ZNF277: variants seen among roughly 807,000 people sequenced by gnomAD.
ZNF277 encodes nuclear receptor-interacting factor 4.
In ZNF277, 55 loss-of-function variants were observed where a neutral mutation model predicts 60.7. The ratio of observed to expected loss-of-function variants is 0.91; its 90% confidence interval spans 0.73 to 1.13. The LOEUF is 1.13. ZNF277 is among the 50% of genes most tolerant of loss of function. The pLI is 0.00. For synonymous variants in ZNF277, 178 were observed against 179.3 expected, an observed-to-expected ratio of 0.99 and a Z score of 0.06; for missense variants, 510 against 523.0, an observed-to-expected ratio of 0.98 and a Z score of 0.24.
At chr7:112,234,535 G>A (rs1038710244) in intron 1 of ZNF277, among the ~76,000 whole-genome samples, 4 of 152,074 alleles carry the variant, frequency 2.6e-5, no homozygotes, top group African/African-American at 9.7e-5. Context: ...GCACATTGGT[G>A]ATTATGTTTC....
intron 1 of ZNF277, among the ~76,000 whole-genome samples, chr7:112,222,457 C>A (rs776781357): frequency 6.6e-6 from 1 of 152,248 alleles, no homozygotes; most frequent in East Asian, 1.9e-4. Context: ...TCTAGGTTAT[C>A]CAATTTATTG....
chr7:112,209,115 T>G (rs755435854), intron 1 of ZNF277, among the ~76,000 whole-genome samples: 3 of 152,194 alleles, frequency 2.0e-5, no homozygotes, highest in Non-Finnish European at 4.4e-5. Flanking sequence ...TTAAGGACTG[T>G]GCCCATCATA....
Position 112,267,001 on chromosome 7 carries a change from G to C in ZNF277, c.92-19872G>C, listed in dbSNP as rs1228819076. On this transcript the variant is annotated intron_variant, in intron 1 of 11. Transcript: ENST00000361822. ...GTTCTTTATTCCTTTTTGAGTAAGA[G>C]TTTGTTCATTCCAGTGGTTTTCACA... Among the ~76,000 whole-genome samples, 7 of 152,098 alleles carry C rather than the reference G, an allele frequency of 4.6e-5. No individual in the cohort carries two copies. In the East Asian group the frequency reaches 1.3e-3, roughly 29 times the overall value.
chr7:112,266,779 T>C (rs919591091), intron 1 of ZNF277, among the ~76,000 whole-genome samples: 11 of 152,172 alleles, frequency 7.2e-5, no homozygotes, highest in African/African-American at 2.7e-4. Flanking sequence ...AGTGTTGTGG[T>C]TTTTTTCGGT....
At chr7:112,231,556 A>T (rs1333865642) in intron 1 of ZNF277, among the ~76,000 whole-genome samples, 1 of 151,098 alleles carries the variant, frequency 6.6e-6, no homozygotes, top group African/African-American at 2.4e-5. Context: ...TCTGGTCCAA[A>T]TGCTGGGTTG....
rs1285623136 is a variant in ZNF277 at position 112,343,704 on chromosome 7, T to C, written c.*975T>C. Among the ~76,000 whole-genome samples the C allele has an allele frequency of 1.3e-5, 2 of 151,914 alleles. No individual in the cohort carries two copies. The highest frequency in any genetic ancestry group is 4.8e-5 in the African/African-American group (2 of 41,336). ...CACTTTGGGAGGCCAAGGCAGAGGA[T>C]CACATGAGGTCAGGAGTTCAAGATC... On this transcript the variant is annotated 3_prime_UTR_variant, in exon 12 of 12. Transcript: ENST00000361822.
rs1452281605 is a variant in ZNF277 at position 112,295,967 on chromosome 7, C to T, written c.382+10C>T. 2.5e-6 allele frequency: 4 copies of T among 1,582,632 alleles called. No individual in the cohort carries two copies. The highest frequency in any genetic ancestry group is 1.7e-5 in the Admixed American group (1 of 59,874). ...TCCACTGCTCCATTTGGTAAGTGTA[C>T]ATCTTGGCTACCATCTTTTCCCTAC... On this transcript the variant is annotated intron_variant, in intron 3 of 11. Coordinates refer to ENST00000361822, the MANE Select transcript of ZNF277 (RefSeq NM_021994.3).
At chr7:112,216,426 C>T (rs546603672) in intron 1 of ZNF277, among the ~76,000 whole-genome samples, 29 of 152,350 alleles carry the variant, frequency 1.9e-4, no homozygotes, top group African/African-American at 6.3e-4. Context: ...CCTCCCACCT[C>T]AGCCTCCTGA....
At chr7:112,290,424 G>A (rs751466271) in intron 2 of ZNF277, among the ~76,000 whole-genome samples, 4 of 151,904 alleles carry the variant, frequency 2.6e-5, no homozygotes, top group African/African-American at 4.8e-5. Flanking sequence ...ACTAGGTCTC[G>A]GGACTTAGGA....
In ZNF277 at chr7:112,330,147, GA is replaced by G. The variant is rs749826488; in HGVS notation, c.738del (p.Lys246AsnfsTer87). ...DKNTLKDHMR[K>X]KQHRKINPKN... ...AAAATACACTTAAAGATCACATGAG[GA>G]AAAAACAGCATCGTAAGATTAATCC... On this transcript the variant is annotated frameshift_variant, in exon 7 of 12. Transcript: ENST00000361822. LOFTEE classifies it high-confidence loss of function. 1.1e-5 allele frequency: 17 copies of G among 1,613,210 alleles called. No homozygotes were observed. The South Asian group carries it at 1.8e-4, about 17-fold the overall frequency.
At chr7:112,313,810 A>G (rs918073963) in intron 4 of ZNF277, among the ~76,000 whole-genome samples, 1 of 152,186 alleles carries the variant, frequency 6.6e-6, no homozygotes, top group Non-Finnish European at 1.5e-5. Flanking sequence ...ACCATATGTC[A>G]GTAAGGGATA....
intron 1 of ZNF277, among the ~76,000 whole-genome samples, chr7:112,239,090 T>C (rs950084408): frequency 2.0e-5 from 3 of 152,154 alleles, no homozygotes; most frequent in Non-Finnish European, 2.9e-5. Context: ...GACCCAGTAC[T>C]GTGCTGGCAT....
chr7:112,322,999 G>A (rs139599750), intron 5 of ZNF277, among the ~76,000 whole-genome samples: 18 of 151,162 alleles, frequency 1.2e-4, no homozygotes, highest in Middle Eastern at 3.4e-3. Flanking sequence ...ATAATGATCC[G>A]ACAGATTTCG....
At chr7:112,337,873 A>C in intron 9 of ZNF277, 47 bp downstream of exon 9, 3 of 1,502,772 alleles carry the variant, frequency 2.0e-6, no homozygotes, top group Non-Finnish European at 2.7e-6. Context: ...CTGACAGGGG[A>C]AAGCTAGTAA....
At position 112,330,133 on chromosome 7, in the gene ZNF277, A is replaced by G; in HGVS notation, c.718A>G (p.Lys240Glu). 6.2e-7 allele frequency: 1 copy of G among 1,613,534 alleles called. No individual in the cohort carries two copies. The highest frequency in any genetic ancestry group is 1.1e-5 in the South Asian group (1 of 91,070). ...EKTFRDKNTL[K>E]DHMRKKQHRK... is the part of the protein sequence containing the mutation. ...GACCTTCAGGGACAAAAATACACTT[A>G]AAGATCACATGAGGAAAAAACAGCA... The change falls in exon 7 of 12, where the codon AAA (lysine) becomes GAA (glutamate). Residue 240 changes from lysine to glutamate, a missense_variant. Transcript: ENST00000361822.
chr7:112,341,137 G>A, intron 11 of ZNF277, 91 bp downstream of exon 11: 3 of 1,085,772 alleles, frequency 2.8e-6, no homozygotes, highest in East Asian at 2.8e-5. Flanking sequence ...AGAAAAAAAA[G>A]GAATACATAT....
intron 1 of ZNF277, among the ~76,000 whole-genome samples, chr7:112,221,509 C>T (rs1174976102): frequency 2.6e-5 from 4 of 152,088 alleles, no homozygotes; most frequent in African/African-American, 7.2e-5. Flanking sequence ...TTGGGATGAT[C>T]CAAGCACATT....
At chr7:112,249,689 T>G (rs1377486975) in intron 1 of ZNF277, among the ~76,000 whole-genome samples, 1 of 152,140 alleles carries the variant, frequency 6.6e-6, no homozygotes, top group Admixed American at 6.5e-5. Context: ...TCATGGACAT[T>G]TATTAGTTCC....
At position 112,327,772 on chromosome 7, in the gene ZNF277, G is replaced by T. The variant is rs1793132193; in HGVS notation, c.613G>T (p.Asp205Tyr). ...ACATGCTTTCAACATTGGATTGCCA[G>T]ACAACATTGTAAACTGCAATGAATT... ...REHAFNIGLP[D>Y]NIVNCNEFLC... Residue 205 changes from aspartate (D) to tyrosine (Y), a missense_variant, in exon 6 of 12, where the codon GAC becomes TAC. Asp to Tyr is a radical substitution (Grantham distance 160). Transcript: ENST00000361822. 6.2e-7 allele frequency: 1 copy of T among 1,612,320 alleles called. No homozygotes were observed. The highest frequency in any genetic ancestry group is 1.7e-5 in the Admixed American group (1 of 59,616).
Sources: allele counts gnomAD v4.1 joint callset (sites outside exome capture counted in the v4.1 genomes callset), GRCh38; gene constraint gnomAD v4.1.1; transcripts MANE v1.5; gene names NCBI Gene and HGNC (gene_info 2026-07-23, HGNC 2026-07-21).